PLPP7: variants seen among roughly 807,000 people sequenced by gnomAD.
The protein encoded by PLPP7 is phospholipid phosphatase 7 (inactive).
PLPP7 carries 11 observed loss-of-function variants against 16.9 expected under a neutral mutation model. The observed-to-expected ratio is 0.65, with a 90% CI of 0.41 to 1.08. The LOEUF (loss-of-function observed/expected upper bound fraction) is 1.08. Among genes scored for constraint, PLPP7 ranks in the 50% least tolerant of loss-of-function variants. The pLI, the probability that PLPP7 is intolerant of heterozygous loss-of-function variation, is 0.00. For synonymous variants in PLPP7, 174 were observed against 175.1 expected (o/e 0.99, Z 0.05); for missense variants, 358 against 397.1 (o/e 0.90, Z 0.84).
In PLPP7 at chr9:131,307,946, G is replaced by A; in HGVS notation, c.475G>A (p.Val159Met). Residue 159 changes from valine (V) to methionine (M), a missense_variant, in exon 2 of 2, where the codon GTG (valine) becomes ATG (methionine). Val to Met is a conservative substitution (Grantham distance 21). Coordinates refer to ENST00000372264, the MANE Select transcript of PLPP7 (RefSeq NM_032728.4). ...LLALLLDIMT[V>M]AGVQKLIKRR... ...AGCCCTGCTCCTGGACATCATGACG[G>A]TGGCCGGCGTGCAGAAGCTCATCAA... is the stretch of plus-strand genomic sequence containing the variant. 2 of 1,594,430 alleles carry A rather than the reference G, an allele frequency of 1.3e-6. No homozygotes were observed. The highest frequency in any genetic ancestry group is 1.7e-6 in the Non-Finnish European group (2 of 1,176,604).
rs886737966 is a variant in PLPP7 at position 131,303,075 on chromosome 9, T to C, written c.452-4848T>C. ...GGCCGGGCACGGTGGCTCACGCCTGTAATCCCAGCACTTTGGGAGGCTGAG... is the reference window on the plus strand; with the variant it reads ...GGCCGGGCACGGTGGCTCACGCCTGCAATCCCAGCACTTTGGGAGGCTGAG... On this transcript the variant is annotated intron_variant, in intron 1 of 1. Coordinates refer to ENST00000372264, the MANE Select transcript of PLPP7 (RefSeq NM_032728.4). 8.5e-5 allele frequency among the ~76,000 whole-genome samples: 13 copies of C among 152,318 alleles called. No homozygotes were observed. The East Asian group carries it at 2.3e-3, about 27-fold the overall frequency.
intron 1 of PLPP7, among the ~76,000 whole-genome samples, chr9:131,297,614 G>A (rs570792361): frequency 6.6e-6 from 1 of 152,256 alleles, no homozygotes; most frequent in Admixed American, 6.5e-5. Flanking sequence ...TCGAACTCCT[G>A]AGCTCAAGCT....
At position 131,290,092 on chromosome 9, in the gene PLPP7, G is replaced by A. The variant is rs779777162; in HGVS notation, c.95G>A (p.Gly32Asp). 2.1e-5 allele frequency: 32 copies of A among 1,515,568 alleles called. No homozygotes were observed. The highest frequency in any genetic ancestry group is 2.6e-5 in the Non-Finnish European group (29 of 1,132,124). 93.9% of individuals were successfully genotyped at this position (1,515,568 alleles called of 1,614,324 possible). Residue 32 changes from glycine to aspartate, a missense_variant, in exon 1 of 2, where the codon GGC becomes GAC. Physicochemically the swap from Gly to Asp is moderately conservative, Grantham distance 94. Coordinates refer to ENST00000372264, the MANE Select transcript of PLPP7 (RefSeq NM_032728.4). This position sits in a 1 kb window ranked among gnomAD's most constrained non-coding sequence, Gnocchi z 4.2. Reference protein sequence around the residue: ...FLSLNQPPKGGPEPRSSGRKA... With the variant: ...FLSLNQPPKGDPEPRSSGRKA... Reference sequence around the variant, plus strand: ...TCCCTGAACCAGCCCCCCAAGGGGGGCCCGGAGCCCCGCAGCTCGGGCAGA... The same window carrying A: ...TCCCTGAACCAGCCCCCCAAGGGGGACCCGGAGCCCCGCAGCTCGGGCAGA...
chr9:131,291,144 G>T, intron 1 of PLPP7: 1 of 1,366,458 alleles, frequency 7.3e-7, no homozygotes, highest in Non-Finnish European at 9.8e-7. Context: ...GCCACGTGGG[G>T]CCCATGTGGA....
At chr9:131,301,965 C>T (rs894999900) in intron 1 of PLPP7, among the ~76,000 whole-genome samples, 12 of 151,920 alleles carry the variant, frequency 7.9e-5, no homozygotes, top group African/African-American at 1.9e-4. Context: ...TACAGGTGCC[C>T]GCCACCATGC....
chr9:131,291,703 T>C (rs1193080523), intron 1 of PLPP7, among the ~76,000 whole-genome samples: 1 of 151,828 alleles, frequency 6.6e-6, no homozygotes, highest in East Asian at 1.9e-4. Flanking sequence ...TACCTCAGCC[T>C]CCCAAGTAGC....
intron 1 of PLPP7, among the ~76,000 whole-genome samples, chr9:131,299,913 C>T (rs1042937817): frequency 1.1e-4 from 17 of 152,104 alleles, no homozygotes; most frequent in African/African-American, 3.4e-4. Context: ...CTATGGTCCC[C>T]GCAGGGCCCA....
At position 131,290,159 on chromosome 9, in the gene PLPP7, C is replaced by T. The variant is rs141024100; in HGVS notation, c.162C>T (p.Asp54=). Residue 54 remains aspartate, a synonymous_variant, in exon 1 of 2, where the codon GAC becomes GAT. Coordinates refer to ENST00000372264, the MANE Select transcript of PLPP7 (RefSeq NM_032728.4). This position sits in a 1 kb window ranked among gnomAD's most constrained non-coding sequence, Gnocchi z 4.2. ...GPSAQPPPAG[D]GARERRQSQQ... ...CAGCACAGCCCCCACCTGCTGGTGA[C>T]GGGGCCAGAGAGCGACGCCAGTCAC... 3.6e-5 allele frequency: 56 copies of T among 1,575,530 alleles called. No individual in the cohort carries two copies. In the East Asian group the frequency reaches 7.7e-4, roughly 22 times the overall value.
At position 131,308,043 on chromosome 9, in the gene PLPP7, C is replaced by T; in HGVS notation, c.572C>T (p.Ala191Val). The T allele has an allele frequency of 6.2e-7, 1 of 1,601,124 alleles. No individual in the cohort carries two copies. Among genetic ancestry groups the T allele is most frequent in the Non-Finnish European group, 8.5e-7 (1 of 1,179,850 alleles). ...YLTMDIYAFP[A>V]GHASRAAMVS... ...ACCATGGACATCTACGCCTTCCCGG[C>T]CGGGCACGCCAGCCGCGCCGCCATG... The change falls in exon 2 of 2, where the codon GCC becomes GTC. Residue 191 changes from alanine (A) to valine (V), a missense_variant. Coordinates refer to ENST00000372264, the MANE Select transcript of PLPP7 (RefSeq NM_032728.4).
rs531850436 is a variant in PLPP7, at chr9:131,308,188, C to T, written c.717C>T (p.Asp239=). 1.6e-5 allele frequency: 26 copies of T among 1,600,108 alleles called. No individual in the cohort carries two copies. The highest frequency in any genetic ancestry group is 4.5e-5 in the East Asian group (2 of 44,864). ...TGATCGGCCGCCACCACGTCACGGA[C>T]GTCCTCTCCGGCTTTGTCATCGGCT... ...RVMIGRHHVT[D]VLSGFVIGYL... is the part of the protein sequence containing the mutation. The change falls in exon 2 of 2, where the codon GAC becomes GAT. Residue 239 remains aspartate, a synonymous_variant. Transcript: ENST00000372264.
Position 131,290,337 on chromosome 9 carries a change from A to C in PLPP7, c.340A>C (p.Lys114Gln). ...ASWASARSMV[K>Q]LIGITGHGIP... Reference sequence around the variant, plus strand: ...CTGGGCCAGTGCCCGCTCCATGGTCAAGCTCATCGGCATCACGGGCCACGG... The same window carrying C: ...CTGGGCCAGTGCCCGCTCCATGGTCCAGCTCATCGGCATCACGGGCCACGG... The change falls in exon 1 of 2, where the codon AAG becomes CAG. Residue 114 changes from lysine (K) to glutamine (Q), a missense_variant. Lys to Gln is a moderately conservative substitution (Grantham distance 53). Transcript: ENST00000372264. The surrounding 1 kb of genome is among the most constrained non-coding windows in gnomAD (Gnocchi z 4.2). 6.2e-7 allele frequency: 1 copy of C among 1,611,094 alleles called. No homozygotes were observed. The highest frequency in any genetic ancestry group is 8.5e-7 in the Non-Finnish European group (1 of 1,178,842).
intron 1 of PLPP7, among the ~76,000 whole-genome samples, chr9:131,300,819 G>A (rs1835790598): frequency 6.6e-6 from 1 of 151,812 alleles, no homozygotes; most frequent in African/African-American, 2.4e-5. Flanking sequence ...CCTTGCCTTT[G>A]GCCACCCCAT....
At position 131,308,692 on chromosome 9, in the gene PLPP7, G is replaced by A. The variant is rs1835885538; in HGVS notation, c.*405G>A. Reference sequence around the variant, plus strand: ...GCCACAGCACGACGCCTGCCAAAATGCCCCCAACCTACTGCCTGATGCAGG... The same window carrying A: ...GCCACAGCACGACGCCTGCCAAAATACCCCCAACCTACTGCCTGATGCAGG... On this transcript the variant is annotated 3_prime_UTR_variant, in exon 2 of 2. Transcript: ENST00000372264. 1 of 191,162 alleles carries A rather than the reference G, an allele frequency of 5.2e-6. No individual in the cohort carries two copies. Among genetic ancestry groups the A allele is most frequent in the Non-Finnish European group, 1.1e-5 (1 of 92,716 alleles). The allele number at this position is 191,162 out of a possible 1,614,324, so 11.8% of individuals were successfully genotyped here.
intron 1 of PLPP7, among the ~76,000 whole-genome samples, chr9:131,297,133 A>G (rs536115847): frequency 1.3e-5 from 2 of 152,154 alleles, no homozygotes; most frequent in Admixed American, 1.3e-4. Flanking sequence ...CCCTTAATAC[A>G]CTGCCCTGGC....
At position 131,289,974 on chromosome 9, in the gene PLPP7, C is replaced by T. The variant is rs1276374331; in HGVS notation, c.-24C>T. ...CCCTTGGAGCCGGGCTGGCATCGGCCTTCTCGGGGTGAGCGAGGTCACCAT... is the reference window on the plus strand; with the variant it reads ...CCCTTGGAGCCGGGCTGGCATCGGCTTTCTCGGGGTGAGCGAGGTCACCAT... On this transcript the variant is annotated 5_prime_UTR_variant, in exon 1 of 2. Transcript: ENST00000372264. 5 of 1,410,826 alleles carry T rather than the reference C, an allele frequency of 3.5e-6. No individual in the cohort carries two copies. The highest frequency in any genetic ancestry group is 4.6e-6 in the Non-Finnish European group (5 of 1,087,338). 87.4% of individuals were successfully genotyped at this position (1,410,826 alleles called of 1,614,324 possible).
intron 1 of PLPP7, among the ~76,000 whole-genome samples, chr9:131,298,949 C>T (rs576389518): frequency 2.0e-5 from 3 of 152,326 alleles, no homozygotes; most frequent in South Asian, 4.1e-4. Context: ...CAACCCTGTG[C>T]AAAGAGCGGA....
chr9:131,292,135 G>A (rs796920438), intron 1 of PLPP7, among the ~76,000 whole-genome samples: 20 of 152,320 alleles, frequency 1.3e-4, no homozygotes, highest in African/African-American at 2.9e-4. Flanking sequence ...CAAAGTGGCC[G>A]AGGCACTAGG....
At chr9:131,292,683 A>G in intron 1 of PLPP7, 1 of 435,060 alleles carries the variant, frequency 2.3e-6, no homozygotes, top group Non-Finnish European at 3.1e-6. Context: ...ACCCACAGTC[A>G]GTGGATGCTC....
intron 1 of PLPP7, chr9:131,291,398 A>T: frequency 5.2e-6 from 6 of 1,164,690 alleles, no homozygotes; most frequent in Non-Finnish European, 6.5e-6. Context: ...CACGGAGAAC[A>T]TCAGTTCCAG....
Sources: allele counts gnomAD v4.1 joint callset (sites outside exome capture counted in the v4.1 genomes callset), GRCh38; gene constraint gnomAD v4.1.1; non-coding constraint Gnocchi (gnomAD v3.1); transcripts MANE v1.5; gene names NCBI Gene and HGNC (gene_info 2026-07-23, HGNC 2026-07-21).